HACE1: variants seen among roughly 807,000 people sequenced by gnomAD.
HACE1 encodes E3 ubiquitin-protein ligase HACE1.
A neutral mutation model predicts 118.4 loss-of-function variants in HACE1; 73 were observed. That is an observed-to-expected ratio of 0.62 (90% CI 0.51 to 0.75). The LOEUF is 0.75. Ranked by LOEUF, HACE1 falls within the 30% of genes least tolerant of loss-of-function variation. The pLI is 0.00. For synonymous variants in HACE1, 368 were observed against 374.8 expected, an observed-to-expected ratio of 0.98 and a Z score of 0.21; for missense variants, 749 against 1,102.2, an observed-to-expected ratio of 0.68 and a Z score of 4.54.
chr6:104,832,576 T>C (rs991146234), intron 6 of HACE1, among the ~76,000 whole-genome samples: 1 of 152,080 alleles, frequency 6.6e-6, no homozygotes, highest in Non-Finnish European at 1.5e-5. Flanking sequence ...TTTGTATTTT[T>C]AGTAGAGATG....
At chr6:104,734,309 C>T (rs557722966) in intron 22 of HACE1, among the ~76,000 whole-genome samples, 2 of 151,902 alleles carry the variant, frequency 1.3e-5, no homozygotes, top group East Asian at 1.9e-4. Flanking sequence ...AATTGGAACA[C>T]GTTTGATTTT....
intron 20 of HACE1, among the ~76,000 whole-genome samples, chr6:104,748,004 A>G (rs1385769193): frequency 6.6e-6 from 1 of 152,132 alleles, no homozygotes; most frequent in African/African-American, 2.4e-5. Context: ...AAAGCTTTTA[A>G]AAGAAAACAC....
Position 104,750,324 on chromosome 6 carries a change from C to G in HACE1, c.2343+17G>C. On this transcript the variant is annotated intron_variant, in intron 20 of 23. Coordinates refer to ENST00000262903, the MANE Select transcript of HACE1 (RefSeq NM_020771.4). The stretch of plus-strand genomic sequence containing the variant: ...TTGTTGTTGTGTTACAACATAAGAA[C>G]TGATGTTTTTCCTTACCAATTCATA... 1 of 1,606,024 alleles carries G rather than the reference C, an allele frequency of 6.2e-7. No homozygotes were observed. The highest frequency in any genetic ancestry group is 8.5e-7 in the Non-Finnish European group (1 of 1,173,256).
intron 20 of HACE1, among the ~76,000 whole-genome samples, chr6:104,747,935 G>T (rs1777608448): frequency 6.6e-6 from 1 of 151,996 alleles, no homozygotes. Context: ...AAATTTTAAT[G>T]TAAGAGCCAC....
chr6:104,753,514 C>T (rs908150031), intron 19 of HACE1, among the ~76,000 whole-genome samples: 2 of 152,138 alleles, frequency 1.3e-5, no homozygotes, highest in African/African-American at 4.8e-5. Context: ...GTACCTACCC[C>T]CTGGGACAGA....
At chr6:104,795,952 C>G (rs1418610085) in intron 9 of HACE1, among the ~76,000 whole-genome samples, 2 of 152,020 alleles carry the variant, frequency 1.3e-5, no homozygotes, top group African/African-American at 4.8e-5. Context: ...TAATTCTAAA[C>G]CTCTAAAACG....
intron 19 of HACE1, among the ~76,000 whole-genome samples, chr6:104,754,059 A>G (rs1053707995): frequency 6.6e-6 from 1 of 152,240 alleles, no homozygotes; most frequent in African/African-American, 2.4e-5. Flanking sequence ...AGAGAGGAAC[A>G]TAACAGATCT....
At chr6:104,769,478 C>T (rs1195365337) in intron 19 of HACE1, among the ~76,000 whole-genome samples, 2 of 151,940 alleles carry the variant, frequency 1.3e-5, no homozygotes, top group African/African-American at 4.8e-5. Context: ...GGGTAGGCCT[C>T]CAGTGTAAAA....
intron 20 of HACE1, among the ~76,000 whole-genome samples, chr6:104,746,039 A>G (rs1356887604): frequency 6.6e-6 from 1 of 152,208 alleles, no homozygotes; most frequent in East Asian, 1.9e-4. Flanking sequence ...CTAGACATTA[A>G]AGAAATTTGC....
At chr6:104,852,438 G>A in intron 1 of HACE1, 67 bp from the exon 2 acceptor site, 1 of 972,296 alleles carries the variant, frequency 1.0e-6, no homozygotes. Context: ...CTTAAGATTA[G>A]TTTAGAATTT....
At chr6:104,858,202 G>A (rs997765477) in intron 1 of HACE1, among the ~76,000 whole-genome samples, 1 of 151,822 alleles carries the variant, frequency 6.6e-6, no homozygotes, top group Non-Finnish European at 1.5e-5. Context: ...AAAAAATATC[G>A]GGATTCAAAC....
chr6:104,787,629 A>G (rs1347368273), intron 11 of HACE1, among the ~76,000 whole-genome samples: 2 of 152,226 alleles, frequency 1.3e-5, no homozygotes, highest in Admixed American at 1.3e-4. Context: ...AAACCTAGAA[A>G]ATCAACACAC....
Position 104,791,643 on chromosome 6 carries a change from T to C in HACE1, c.935A>G (p.Asn312Ser), listed in dbSNP as rs1458858178. The C allele has an allele frequency of 5.6e-6, 9 of 1,606,094 alleles. No individual in the cohort carries two copies. Among genetic ancestry groups the C allele is most frequent in the South Asian group, 5.5e-5 (5 of 90,854 alleles). Residue 312 changes from asparagine to serine, a missense_variant, in exon 11 of 24, where the codon AAT becomes AGT. By Grantham distance (46) the Asn-to-Ser change is conservative. Around this residue, in one of 5 missense-constraint regions of HACE1, gnomAD observed 267 missense variants for 312.2 expected, o/e 0.86. Coordinates refer to ENST00000262903, the MANE Select transcript of HACE1 (RefSeq NM_020771.4). ...AAGGCTCTTCATTTGAGCATCATAA[T>C]TGCTAGAGAGGCTGAAAATAAAAAT... ...NGHKLLSLSS[N>S]YDAQMKSLLR...
chr6:104,760,952 T>C (rs1011858257), intron 19 of HACE1, among the ~76,000 whole-genome samples: 2 of 152,158 alleles, frequency 1.3e-5, no homozygotes, highest in African/African-American at 4.8e-5. Context: ...TCACAATTAC[T>C]ATTAAGAGAA....
At chr6:104,761,352 A>C (rs1323692245) in intron 19 of HACE1, among the ~76,000 whole-genome samples, 15 of 152,326 alleles carry the variant, frequency 9.8e-5, no homozygotes, top group Admixed American at 3.3e-4. Flanking sequence ...AAAACGATAT[A>C]TAGAACAATG....
chr6:104,744,052 T>C, intron 22 of HACE1, 108 bp downstream of exon 22: 1 of 746,370 alleles, frequency 1.3e-6, no homozygotes, highest in South Asian at 1.5e-5. Flanking sequence ...GAAAGGGTGG[T>C]AAGTTACTGA....
chr6:104,798,399 T>A (rs61181583), intron 7 of HACE1, among the ~76,000 whole-genome samples: 5,127 of 152,000 alleles, frequency 0.034, 270 homozygotes, highest in African/African-American at 0.12. Context: ...AAAGTTTTTT[T>A]AAAAAAAACT....
chr6:104,771,881 AAC>A (rs1491137901), intron 18 of HACE1, 42 bp downstream of exon 18: 23 of 1,391,458 alleles, frequency 1.7e-5, no homozygotes, highest in South Asian at 2.4e-5. Flanking sequence ...CTGAAAAAAA[AAC>A]AATATAAATA....
chr6:104,799,906 T>G (rs1465902719), intron 7 of HACE1, among the ~76,000 whole-genome samples: 2 of 50,936 alleles, frequency 3.9e-5, no homozygotes, highest in Non-Finnish European at 7.0e-5. Context: ...CCACGGAGGG[T>G]GAGCACCTCA....
Sources: gnomAD v4.1 joint callset for allele counts (sites outside exome capture counted in the v4.1 genomes callset) on GRCh38, gnomAD v4.1.1 for gene constraint, gnomAD v4.1.1 regional missense constraint, MANE v1.5 for transcripts, NCBI Gene and HGNC (gene_info 2026-07-23, HGNC 2026-07-21) for gene names.